Variants in PRKAR2A observed in about 807,000 individuals in gnomAD.
The protein encoded by PRKAR2A is protein kinase cAMP-dependent type II regulatory subunit alpha.
Under a neutral mutation model 51.9 loss-of-function variants are expected in PRKAR2A, and 29 were observed. The observed-to-expected ratio is 0.56, with a 90% CI of 0.42 to 0.76. The LOEUF (loss-of-function observed/expected upper bound fraction) is 0.76, where lower values mean the gene tolerates loss of function less well. Among genes scored for constraint, PRKAR2A ranks in the 30% least tolerant of loss-of-function variants. The pLI, the probability that PRKAR2A is intolerant of heterozygous loss-of-function variation, is 0.00. For missense variants in PRKAR2A, 445 were observed against 512.1 expected, an observed-to-expected ratio of 0.87 and a Z score of 1.26; for synonymous variants, 178 against 186.2, an observed-to-expected ratio of 0.96 and a Z score of 0.36.
At chr3:48,797,549 A>G (rs2107331753) in intron 2 of PRKAR2A, among the ~76,000 whole-genome samples, 1 of 152,256 alleles carries the variant, frequency 6.6e-6, no homozygotes, top group East Asian at 1.9e-4. Flanking sequence ...GATGGCTTCC[A>G]TTGTGTCCTA....
In PRKAR2A at chr3:48,752,307, T is replaced by C. The variant is rs1437900183; in HGVS notation, c.950A>G (p.Asn317Ser). The C allele has an allele frequency of 1.2e-6, 2 of 1,613,800 alleles. No homozygotes were observed. Among genetic ancestry groups the C allele is most frequent in the Admixed American group, 3.3e-5 (2 of 59,894 alleles). Residue 317 changes from asparagine to serine, a missense_variant, in exon 10 of 11, where the codon AAC (asparagine) becomes AGC (serine). By Grantham distance (46) the Asn-to-Ser change is conservative. Transcript: ENST00000265563. ...SILIRSRTKS[N>S]KDGGNQEVEI... ...GACCTCCTGGTTCCCACCATCCTTG[T>C]TTGATTTAGTCTACAGCAGGCAAAG...
At chr3:48,773,142 A>G (rs2082053045) in intron 5 of PRKAR2A, 34 bp from the exon 6 acceptor site, 2 of 1,540,414 alleles carry the variant, frequency 1.3e-6, no homozygotes, top group South Asian at 1.2e-5. Context: ...TTAATTAGTT[A>G]CTTCTGATAA....
At chr3:48,801,880 C>A (rs2082596328) in intron 2 of PRKAR2A, among the ~76,000 whole-genome samples, 2 of 151,932 alleles carry the variant, frequency 1.3e-5, no homozygotes, top group South Asian at 4.2e-4. Context: ...GGGATACAGG[C>A]ATGTGCCAGC....
intron 8 of PRKAR2A, among the ~76,000 whole-genome samples, chr3:48,762,066 GA>G (rs1367946680): frequency 6.6e-6 from 1 of 152,156 alleles, no homozygotes; most frequent in African/African-American, 2.4e-5. Flanking sequence ...CTACAAAGAA[GA>G]AAAGATGATA....
chr3:48,745,071 C>T (rs2081545154), downstream of PRKAR2A, among the ~76,000 whole-genome samples: 1 of 151,958 alleles, frequency 6.6e-6, no homozygotes, highest in African/African-American at 2.4e-5. Flanking sequence ...GACGGGGTTT[C>T]ACCATGTTGG....
intron 5 of PRKAR2A, 104 bp downstream of exon 5, chr3:48,782,882 G>A: frequency 1.3e-6 from 1 of 781,854 alleles, no homozygotes; most frequent in Non-Finnish European, 2.1e-6. Context: ...TGTTCACCTG[G>A]CCCTTAGCCT....
At chr3:48,782,945 G>A (rs367819043) in intron 5 of PRKAR2A, 41 bp downstream of exon 5, 5 of 1,366,718 alleles carry the variant, frequency 3.7e-6, no homozygotes, top group East Asian at 4.6e-5. Context: ...TCATGAATCC[G>A]ATTAAGTGTG....
rs1328164962 is a variant in PRKAR2A at position 48,752,168 on chromosome 3, T to G, written c.1081+8A>C. On this transcript the variant is annotated splice_region_variant and intron_variant, in intron 10 of 10. Transcript: ENST00000265563. ...AAAGAATATTAATGCATAAAGAACT[T>G]TTCTTACCTAAGCATTTGACATCTC... is the stretch of plus-strand genomic sequence containing the variant. 1.2e-6 allele frequency: 2 copies of G among 1,604,718 alleles called. No homozygotes were observed. Among genetic ancestry groups the G allele is most frequent in the Non-Finnish European group, 1.7e-6 (2 of 1,177,670 alleles).
intron 4 of PRKAR2A, among the ~76,000 whole-genome samples, chr3:48,789,589 C>A (rs770806037): frequency 2.0e-5 from 3 of 151,046 alleles, no homozygotes; most frequent in Non-Finnish European, 4.4e-5. Flanking sequence ...CTCCTGGATT[C>A]AAGCAATTCT....
At chr3:48,759,450 G>T (rs1203676835) in intron 8 of PRKAR2A, among the ~76,000 whole-genome samples, 1 of 150,882 alleles carries the variant, frequency 6.6e-6, no homozygotes, top group Non-Finnish European at 1.5e-5. Flanking sequence ...GCAATGGCGC[G>T]ATCTTGGCTC....
At chr3:48,765,157 T>G in intron 7 of PRKAR2A, 79 bp from the exon 8 acceptor site, 1 of 1,540,988 alleles carries the variant, frequency 6.5e-7, no homozygotes, top group South Asian at 1.1e-5. Flanking sequence ...GAAATAGGAT[T>G]AGAATAGTAT....
At chr3:48,790,488 A>C in intron 4 of PRKAR2A, 56 bp downstream of exon 4, 1 of 1,303,612 alleles carries the variant, frequency 7.7e-7, no homozygotes, top group Non-Finnish European at 1.0e-6. Flanking sequence ...TAAGTGACAA[A>C]TAGGAGCAAA....
At chr3:48,745,157 G>C (rs996447067), downstream of PRKAR2A, among the ~76,000 whole-genome samples, 2 of 150,440 alleles carry the variant, frequency 1.3e-5, no homozygotes, top group East Asian at 3.9e-4. Context: ...TTATAGGCAT[G>C]AGCAACCGCA....
intron 2 of PRKAR2A, among the ~76,000 whole-genome samples, chr3:48,806,777 C>CT (rs879915211): frequency 8.8e-4 from 129 of 145,808 alleles, no homozygotes; most frequent in South Asian, 2.4e-3. Context: ...GGAAAGCATT[C>CT]TTTTTTTTTT....
At chr3:48,810,274 A>G (rs1415320037) in intron 1 of PRKAR2A, among the ~76,000 whole-genome samples, 1 of 152,140 alleles carries the variant, frequency 6.6e-6, no homozygotes, top group Non-Finnish European at 1.5e-5. Context: ...ATATATACAT[A>G]TATTTGTGTA....
At chr3:48,808,756 A>T (rs1332615076) in intron 1 of PRKAR2A, among the ~76,000 whole-genome samples, 5 of 122,134 alleles carry the variant, frequency 4.1e-5, no homozygotes, top group Non-Finnish European at 8.1e-5. Flanking sequence ...ACCTCAAGTG[A>T]TCCACCCACC....
chr3:48,797,531 T>C (rs1334913373), intron 2 of PRKAR2A, among the ~76,000 whole-genome samples: 1 of 152,178 alleles, frequency 6.6e-6, no homozygotes, highest in African/African-American at 2.4e-5. Context: ...ATAAAAGATC[T>C]GAGAAATGAT....
intron 3 of PRKAR2A, among the ~76,000 whole-genome samples, chr3:48,790,836 C>T (rs573758838): frequency 1.3e-4 from 20 of 152,126 alleles, no homozygotes; most frequent in African/African-American, 4.1e-4. Context: ...AGCTACCTGC[C>T]GACTACATGG....
At chr3:48,753,835 T>A (rs1184576264) in intron 9 of PRKAR2A, among the ~76,000 whole-genome samples, 1 of 151,986 alleles carries the variant, frequency 6.6e-6, no homozygotes, top group Non-Finnish European at 1.5e-5. Context: ...ATCTGAGAAA[T>A]CTACAAACAT....
Sources: gnomAD v4.1 joint callset for allele counts (sites outside exome capture counted in the v4.1 genomes callset) on GRCh38, gnomAD v4.1.1 for gene constraint, MANE v1.5 for transcripts, NCBI Gene and HGNC (gene_info 2026-07-23, HGNC 2026-07-21) for gene names.